GABBR2: variants seen among roughly 807,000 people sequenced by gnomAD.
GABBR2 encodes the protein G-protein coupled receptor 51.
GABBR2 carries 23 observed loss-of-function variants against 105.6 expected under a neutral mutation model. That is an observed-to-expected ratio of 0.22 (90% CI 0.16 to 0.31). The LOEUF is 0.31. Ranked by LOEUF, GABBR2 falls within the 10% of genes least tolerant of loss-of-function variation. The pLI is 1.00. For missense variants in GABBR2, 734 were observed against 1,245.5 expected, an observed-to-expected ratio of 0.59 and a Z score of 6.18; for synonymous variants, 478 against 499.7, an observed-to-expected ratio of 0.96 and a Z score of 0.58.
At chr9:98,698,499 A>C (rs1830785476) in intron 1 of GABBR2, among the ~76,000 whole-genome samples, 1 of 77,150 alleles carries the variant, frequency 1.3e-5, no homozygotes, top group Non-Finnish European at 3.3e-5. Flanking sequence ...CTTTATGCAC[A>C]ATTCTTTTTT....
intron 5 of GABBR2, among the ~76,000 whole-genome samples, chr9:98,475,566 A>C (rs531807774): frequency 6.6e-6 from 1 of 152,282 alleles, no homozygotes; most frequent in East Asian, 1.9e-4. Flanking sequence ...TATTCTCACA[A>C]CTACCCTATG....
At chr9:98,473,481 T>C (rs1826726868) in intron 5 of GABBR2, 135 bp from the exon 6 acceptor site, 1 of 616,794 alleles carries the variant, frequency 1.6e-6, no homozygotes, top group Non-Finnish European at 2.9e-6. Flanking sequence ...GTTTGGTTTC[T>C]TCCTTGCTAT....
intron 13 of GABBR2, among the ~76,000 whole-genome samples, chr9:98,320,918 T>C (rs1182901856): frequency 1.3e-5 from 2 of 151,494 alleles, no homozygotes; most frequent in Non-Finnish European, 2.9e-5. Flanking sequence ...GCATGGCACA[T>C]GTATACGCAT....
rs1219480562 is a variant in GABBR2 at position 98,388,015 on chromosome 9, C to T, written c.1529+839G>A. Among the ~76,000 whole-genome samples, 1 of 152,176 alleles carries T rather than the reference C, an allele frequency of 6.6e-6. No individual in the cohort carries two copies. Among genetic ancestry groups the T allele is most frequent in the Non-Finnish European group, 1.5e-5 (1 of 68,036 alleles). On this transcript the variant is annotated intron_variant, in intron 10 of 18. Transcript: ENST00000259455. This position sits in a 1 kb window ranked among gnomAD's most constrained non-coding sequence, Gnocchi z 4.4. ...CCATGTAGGTGGTCACTGTGGCTGT[C>T]CCCATGACGGCCCATGCTCTGCACC...
chr9:98,603,052 C>A (rs1397842847), intron 1 of GABBR2, among the ~76,000 whole-genome samples: 2 of 67,618 alleles, frequency 3.0e-5, no homozygotes, highest in East Asian at 5.8e-4. Flanking sequence ...ACTTGGCCAC[C>A]CCCAAGGGAC....
chr9:98,394,314 C>G, intron 8 of GABBR2, 59 bp from the exon 9 acceptor site: 1 of 1,232,010 alleles, frequency 8.1e-7, no homozygotes, highest in Non-Finnish European at 1.2e-6. Context: ...TGTCTGGGTG[C>G]TCCTATTCCA....
chr9:98,419,469 C>A (rs1346808182), intron 7 of GABBR2, among the ~76,000 whole-genome samples: 1 of 152,226 alleles, frequency 6.6e-6, no homozygotes, highest in African/African-American at 2.4e-5. Flanking sequence ...GGCGGCCAGC[C>A]ACTCTGCTGA....
chr9:98,535,146 G>C lies in GABBR2; in HGVS notation c.630+6727C>G, dbSNP rs1828148486. 2.0e-5 allele frequency among the ~76,000 whole-genome samples: 3 copies of C among 152,116 alleles called. No homozygotes were observed. In the South Asian group the frequency reaches 6.2e-4, roughly 32 times the overall value. On this transcript the variant is annotated intron_variant, in intron 3 of 18. Transcript: ENST00000259455. ...CAGAGTCTCACTCTGTTGCCAGGCT[G>C]AAGGACAGTAGTGCCATCTCAGCTC...
At chr9:98,636,739 C>T (rs1354105043) in intron 1 of GABBR2, among the ~76,000 whole-genome samples, 2 of 151,966 alleles carry the variant, frequency 1.3e-5, no homozygotes, top group African/African-American at 4.8e-5. Flanking sequence ...GGCAATCTGC[C>T]CACCTCAGCC....
chr9:98,472,632 A>G (rs1329290776), intron 6 of GABBR2, among the ~76,000 whole-genome samples: 2 of 152,238 alleles, frequency 1.3e-5, no homozygotes, highest in Non-Finnish European at 2.9e-5. Flanking sequence ...CTAAAAATAT[A>G]TATCCACACA....
intron 1 of GABBR2, among the ~76,000 whole-genome samples, chr9:98,675,273 T>A (rs1056181847): frequency 6.6e-6 from 1 of 152,030 alleles, no homozygotes; most frequent in African/African-American, 2.4e-5. Flanking sequence ...GGAGCCACCA[T>A]GGATGGAAGA....
At chr9:98,401,207 A>AT (rs1416545234) in intron 8 of GABBR2, among the ~76,000 whole-genome samples, 1 of 152,094 alleles carries the variant, frequency 6.6e-6, no homozygotes, top group Non-Finnish European at 1.5e-5. Flanking sequence ...TTATTTACTT[A>AT]TTTTTAACTG....
chr9:98,402,306 C>T (rs1374295638), intron 8 of GABBR2, among the ~76,000 whole-genome samples: 3 of 152,142 alleles, frequency 2.0e-5, no homozygotes, highest in Non-Finnish European at 4.4e-5. Context: ...TAGACTTCGG[C>T]AGTAACATGG....
chr9:98,305,252 T>C (rs953586290), intron 15 of GABBR2, among the ~76,000 whole-genome samples: 1 of 152,134 alleles, frequency 6.6e-6, no homozygotes, highest in African/African-American at 2.4e-5. Context: ...AAATGGAACA[T>C]ATAAGTGGCT....
intron 7 of GABBR2, among the ~76,000 whole-genome samples, chr9:98,430,345 A>G (rs1022234564): frequency 9.2e-5 from 14 of 151,766 alleles, no homozygotes; most frequent in African/African-American, 3.4e-4. Flanking sequence ...TGTCTGGGAC[A>G]TAATTAAGTT....
At chr9:98,315,841 G>A (rs1035715430) in intron 13 of GABBR2, among the ~76,000 whole-genome samples, 3 of 152,258 alleles carry the variant, frequency 2.0e-5, no homozygotes, top group Non-Finnish European at 4.4e-5. Context: ...GCAGCATCTT[G>A]TGCTACTCTG....
intron 1 of GABBR2, among the ~76,000 whole-genome samples, chr9:98,670,227 A>G (rs1238565032): frequency 1.3e-5 from 2 of 152,162 alleles, no homozygotes; most frequent in Non-Finnish European, 2.9e-5. Context: ...ATTCACACAT[A>G]TGCACAATCA....
At chr9:98,370,864 G>A (rs1302267577) in intron 12 of GABBR2, among the ~76,000 whole-genome samples, 2 of 152,078 alleles carry the variant, frequency 1.3e-5, no homozygotes. Context: ...TGCGGTCCAC[G>A]GTGTGAAGGC....
At chr9:98,569,509 C>T (rs1163990150) in intron 2 of GABBR2, among the ~76,000 whole-genome samples, 4 of 152,210 alleles carry the variant, frequency 2.6e-5, no homozygotes, top group Middle Eastern at 3.2e-3. Context: ...TACTGGATTA[C>T]AGTTTATAAA....
Sources: allele counts gnomAD v4.1 joint callset (sites outside exome capture counted in the v4.1 genomes callset), GRCh38; gene constraint gnomAD v4.1.1; non-coding constraint Gnocchi (gnomAD v3.1); transcripts MANE v1.5; gene names NCBI Gene and HGNC (gene_info 2026-07-23, HGNC 2026-07-21).